AP1AR: variants seen among roughly 807,000 people sequenced by gnomAD.
AP1AR encodes adaptor related protein complex 1 associated regulatory protein.
Under a neutral mutation model 46.3 loss-of-function variants are expected in AP1AR, and 29 were observed. The observed-to-expected ratio is 0.63, with a 90% CI of 0.47 to 0.85. AP1AR has a LOEUF of 0.85. Among genes scored for constraint, AP1AR ranks in the 40% least tolerant of loss-of-function variants. The pLI, the probability that AP1AR is intolerant of heterozygous loss-of-function variation, is 0.00. For missense variants in AP1AR, 357 were observed against 356.3 expected (o/e 1.00, Z -0.02); for synonymous variants, 122 against 122.9 (o/e 0.99, Z 0.05).
At chr4:112,257,689 G>T in intron 3 of AP1AR, 83 bp from the exon 4 acceptor site, 1 of 1,084,770 alleles carries the variant, frequency 9.2e-7, no homozygotes, top group Non-Finnish European at 1.3e-6. Context: ...AAAGTATTTA[G>T]ATTAAATAAA....
At chr4:112,237,002 A>G (rs1396140208) in intron 1 of AP1AR, among the ~76,000 whole-genome samples, 1 of 152,210 alleles carries the variant, frequency 6.6e-6, no homozygotes. Flanking sequence ...ATGTAACCTT[A>G]ACCTGTTTTT....
At position 112,270,188 on chromosome 4, in the gene AP1AR, G is replaced by C. The variant is rs1726893614; in HGVS notation, c.*1779G>C. 6.6e-6 allele frequency: 1 copy of C among 152,426 alleles called. No homozygotes were observed. The highest frequency in any genetic ancestry group is 2.4e-5 in the African/African-American group (1 of 41,422). The allele number at this position is 152,426 out of a possible 1,614,324, so 9.4% of individuals were successfully genotyped here. On this transcript the variant is annotated 3_prime_UTR_variant, in exon 10 of 10. Coordinates refer to ENST00000274000, the MANE Select transcript of AP1AR (RefSeq NM_018569.6). The stretch of plus-strand genomic sequence containing the variant: ...AAAGCAAGATGGAACTAGAAAATGT[G>C]TTTTAACTGTTAAAAAAAAGTTAAC...
chr4:112,268,890 C>T lies in AP1AR; in HGVS notation c.*481C>T, dbSNP rs1325044252. 6.6e-6 allele frequency: 1 copy of T among 152,012 alleles called. No individual in the cohort carries two copies. The highest frequency in any genetic ancestry group is 1.9e-4 in the East Asian group (1 of 5,182). The allele number at this position is 152,012 out of a possible 1,614,324, so 9.4% of individuals were successfully genotyped here. On this transcript the variant is annotated 3_prime_UTR_variant, in exon 10 of 10. Transcript: ENST00000274000. ...CCAGCATTATTTATTTCTATGACTTCTTTGGATTTTATTATCTAATAGTAA... is the reference window on the plus strand; with the variant it reads ...CCAGCATTATTTATTTCTATGACTTTTTTGGATTTTATTATCTAATAGTAA...
chr4:112,257,724 A>C, intron 3 of AP1AR, 48 bp from the exon 4 acceptor site: 1 of 1,410,830 alleles, frequency 7.1e-7, no homozygotes, highest in Non-Finnish European at 9.4e-7. Flanking sequence ...CTTTAAATAG[A>C]ATTTAGCTAA....
chr4:112,248,669 T>G (rs1725822128), intron 1 of AP1AR, among the ~76,000 whole-genome samples: 1 of 152,102 alleles, frequency 6.6e-6, no homozygotes, highest in Non-Finnish European at 1.5e-5. Flanking sequence ...AAAAACAGAG[T>G]GAATGCTAAA....
intron 1 of AP1AR, among the ~76,000 whole-genome samples, chr4:112,243,520 A>G (rs1725594991): frequency 6.6e-6 from 1 of 152,222 alleles, no homozygotes; most frequent in Admixed American, 6.5e-5. Context: ...CGTTCATTCT[A>G]TACGTTTATC....
At chr4:112,235,579 T>A (rs182407927) in intron 1 of AP1AR, among the ~76,000 whole-genome samples, 4 of 152,280 alleles carry the variant, frequency 2.6e-5, no homozygotes, top group Admixed American at 6.5e-5. Context: ...ATTATCTCAC[T>A]TATTCCTCCC....
chr4:112,265,358 T>G, intron 7 of AP1AR: 1 of 360,866 alleles, frequency 2.8e-6, no homozygotes. Context: ...CAGTTGTTTG[T>G]GTTTTCCTTA....
intron 1 of AP1AR, among the ~76,000 whole-genome samples, chr4:112,236,400 CT>C (rs35720859): frequency 7.0e-4 from 101 of 143,338 alleles, no homozygotes; most frequent in East Asian, 4.2e-3. Flanking sequence ...ATTTCTAAGT[CT>C]TTTTTTTTTT....
intron 1 of AP1AR, among the ~76,000 whole-genome samples, chr4:112,251,449 G>A (rs995618342): frequency 1.3e-5 from 2 of 152,216 alleles, no homozygotes; most frequent in Non-Finnish European, 2.9e-5. Context: ...TTTCGACAAT[G>A]TTCTACTTAG....
intron 4 of AP1AR, 42 bp downstream of exon 4, chr4:112,257,839 A>C (rs1231685016): frequency 4.6e-6 from 7 of 1,505,588 alleles, no homozygotes; most frequent in Non-Finnish European, 6.2e-6. Flanking sequence ...TTCTATGCAA[A>C]CTGTAAGAAA....
intron 1 of AP1AR, among the ~76,000 whole-genome samples, chr4:112,239,931 A>T (rs1316004819): frequency 6.6e-6 from 1 of 152,256 alleles, no homozygotes; most frequent in Admixed American, 6.5e-5. Flanking sequence ...GAGTGAATAG[A>T]CTATCAAGTG....
chr4:112,270,720 CATG>C lies in AP1AR; in HGVS notation c.*2313_*2315del, dbSNP rs1726913981. ...AAAAAGACCACTGGGAATGAAGCAT[CATG>C]AGTGAGGGGGAAGAGTGGTATGAGA... On this transcript the variant is annotated 3_prime_UTR_variant, in exon 10 of 10. Coordinates refer to ENST00000274000, the MANE Select transcript of AP1AR (RefSeq NM_018569.6). Among the ~76,000 whole-genome samples the C allele has an allele frequency of 6.6e-6, 1 of 152,040 alleles. No individual in the cohort carries two copies. Among genetic ancestry groups the C allele is most frequent in the South Asian group, 2.1e-4 (1 of 4,820 alleles).
rs1049687775 is a variant in AP1AR at position 112,269,524 on chromosome 4, G to A, written c.*1115G>A. On this transcript the variant is annotated 3_prime_UTR_variant, in exon 10 of 10. Coordinates refer to ENST00000274000, the MANE Select transcript of AP1AR (RefSeq NM_018569.6). ...TTTCCTTGATTTTGCTGAGGATTTGGTATGATTTTAGTAAGCAAACTGTTT... is the reference window on the plus strand; with the variant it reads ...TTTCCTTGATTTTGCTGAGGATTTGATATGATTTTAGTAAGCAAACTGTTT... The A allele has an allele frequency of 1.3e-5, 2 of 152,260 alleles. No individual in the cohort carries two copies. The highest frequency in any genetic ancestry group is 2.9e-5 in the Non-Finnish European group (2 of 67,880). The allele number at this position is 152,260 out of a possible 1,614,324, so 9.4% of individuals were successfully genotyped here. A position where few individuals can be genotyped will look rare whatever the true frequency, so the allele number is the denominator to read the frequency against.
chr4:112,258,664 A>C (rs1726307986), intron 4 of AP1AR, among the ~76,000 whole-genome samples: 1 of 152,206 alleles, frequency 6.6e-6, no homozygotes, highest in African/African-American at 2.4e-5. Context: ...TTCATAAGCA[A>C]AGTGAGAGAA....
chr4:112,235,180 C>T (rs544243777), intron 1 of AP1AR, among the ~76,000 whole-genome samples: 1 of 152,282 alleles, frequency 6.6e-6, no homozygotes, highest in Non-Finnish European at 1.5e-5. Context: ...TGGAGTTTTG[C>T]CTGCCAACAC....
At chr4:112,249,359 T>TAA (rs34100698) in intron 1 of AP1AR, among the ~76,000 whole-genome samples, 2,160 of 147,940 alleles carry the variant, frequency 0.015, 43 homozygotes, top group African/African-American at 0.049. Flanking sequence ...TACTTTTCTT[T>TAA]AAAAAAAAAA....
chr4:112,261,801 T>TC (rs1726454272), intron 5 of AP1AR, among the ~76,000 whole-genome samples: 1 of 151,448 alleles, frequency 6.6e-6, no homozygotes, highest in Non-Finnish European at 1.5e-5. Context: ...AAAACCCATC[T>TC]CTAAAAAAAA....
chr4:112,239,641 C>T (rs1225077860), intron 1 of AP1AR, among the ~76,000 whole-genome samples: 1 of 152,208 alleles, frequency 6.6e-6, no homozygotes, highest in East Asian at 1.9e-4. Flanking sequence ...CCACTTCTCT[C>T]GCTGCTGCCA....
Sources: allele counts gnomAD v4.1 joint callset (sites outside exome capture counted in the v4.1 genomes callset), GRCh38; gene constraint gnomAD v4.1.1; transcripts MANE v1.5; gene names NCBI Gene and HGNC (gene_info 2026-07-23, HGNC 2026-07-21).